Variants in TRMT6 observed in about 807,000 individuals in gnomAD.
TRMT6 encodes the protein tRNA methyltransferase 6 non-catalytic subunit.
In TRMT6, 34 loss-of-function variants were observed where a neutral mutation model predicts 59.0. The ratio of observed to expected loss-of-function variants is 0.58; its 90% CI spans 0.44 to 0.77. The LOEUF (loss-of-function observed/expected upper bound fraction) is 0.77. Among genes scored for constraint, TRMT6 ranks in the 30% least tolerant of loss-of-function variants. The pLI, the probability that TRMT6 is intolerant of heterozygous loss-of-function variation, is 0.00. For missense variants in TRMT6, 575 were observed against 604.5 expected, an observed-to-expected ratio of 0.95 and a Z score of 0.51; for synonymous variants, 217 against 210.5, an observed-to-expected ratio of 1.03 and a Z score of -0.27.
chr20:5,938,443 G>T lies in TRMT6; in HGVS notation c.*92C>A. Reference sequence around the variant, plus strand: ...GTACATAGACATGTTCTTATTCTTGGGATATGAAAAAACAAGTAGTAATGG... The same window carrying T: ...GTACATAGACATGTTCTTATTCTTGTGATATGAAAAAACAAGTAGTAATGG... On this transcript the variant is annotated 3_prime_UTR_variant, in exon 11 of 11. Transcript: ENST00000203001. 3 of 1,276,032 alleles carry T rather than the reference G, an allele frequency of 2.4e-6. No individual in the cohort carries two copies. Among genetic ancestry groups the T allele is most frequent in the Non-Finnish European group, 3.3e-6 (3 of 912,122 alleles). 79.0% of individuals were successfully genotyped at this position (1,276,032 alleles called of 1,614,324 possible). A position where few individuals can be genotyped will look rare whatever the true frequency, so the allele number is the denominator to read the frequency against.
intron 10 of TRMT6, among the ~76,000 whole-genome samples, chr20:5,940,665 C>A (rs551839471): frequency 6.6e-6 from 1 of 152,292 alleles, no homozygotes; most frequent in African/African-American, 2.4e-5. Flanking sequence ...GTCACCCAGG[C>A]TGGAGTGCAG....
At chr20:5,940,687 C>T (rs189650096) in intron 10 of TRMT6, among the ~76,000 whole-genome samples, 34 of 151,910 alleles carry the variant, frequency 2.2e-4, no homozygotes, top group African/African-American at 7.7e-4. Context: ...GGTGGGATCT[C>T]GGCTCACTGC....
intron 1 of TRMT6, 118 bp downstream of exon 1, chr20:5,950,160 G>C: frequency 9.1e-7 from 1 of 1,098,534 alleles, no homozygotes. Context: ...GGCGGGGAAT[G>C]GGGACCGAGA....
Position 5,950,499 on chromosome 20 carries a change from G to T in TRMT6, c.-94C>A, listed in dbSNP as rs750982779. The T allele has an allele frequency of 2.9e-6, 4 of 1,397,336 alleles. No homozygotes were observed. Among genetic ancestry groups the T allele is most frequent in the Admixed American group, 5.1e-5 (2 of 38,960 alleles). The allele number at this position is 1,397,336 out of a possible 1,614,324, so 86.6% of individuals were successfully genotyped here. The stretch of plus-strand genomic sequence containing the variant: ...TCACTTCCCACAACCTGGCGCACTA[G>T]GAGCCCTCCGACCGGCACCGCCCCC... On this transcript the variant is annotated 5_prime_UTR_variant, in exon 1 of 11. Transcript: ENST00000203001.
intron 1 of TRMT6, 44 bp downstream of exon 1, chr20:5,950,234 C>G: frequency 6.6e-7 from 1 of 1,523,678 alleles, no homozygotes; most frequent in Non-Finnish European, 8.9e-7. Context: ...GGGGTATCTA[C>G]AAGGTGGGGG....
chr20:5,945,236 G>T (rs1368105536), intron 2 of TRMT6, among the ~76,000 whole-genome samples: 1 of 152,202 alleles, frequency 6.6e-6, no homozygotes, highest in East Asian at 1.9e-4. Context: ...TGACCTGCAA[G>T]GTCATAAATG....
intron 8 of TRMT6, 55 bp from the exon 9 acceptor site, chr20:5,941,400 G>A (rs2088654862): frequency 1.5e-6 from 2 of 1,307,042 alleles, no homozygotes; most frequent in African/African-American, 3.0e-5. Flanking sequence ...GTGGAGCACA[G>A]GTTTTAAAAT....
chr20:5,940,849 C>T (rs2088649735), intron 10 of TRMT6, among the ~76,000 whole-genome samples: 1 of 152,022 alleles, frequency 6.6e-6, no homozygotes, highest in Admixed American at 6.6e-5. Context: ...TTTGTAGAGA[C>T]AGGGTTTCAC....
intron 2 of TRMT6, 143 bp downstream of exon 2, chr20:5,946,263 C>T: frequency 1.0e-6 from 1 of 988,732 alleles, no homozygotes; most frequent in Non-Finnish European, 1.5e-6. Context: ...ACTTGCTTCA[C>T]TCCACTGAGC....
rs1182307188 is a variant in TRMT6, at chr20:5,950,384, G to C, written c.22C>G (p.Pro8Ala). MEGSGEQPGPQPQHPGDH... is the reference protein window; with the variant it reads MEGSGEQAGPQPQHPGDH... ...CCGGGATGCTGTGGTTGTGGGCCCG[G>C]CTGCTCCCCTGAGCCCTCCATGACG... Residue 8 changes from proline to alanine, a missense_variant, in exon 1 of 11, where the codon CCG becomes GCG. Physicochemically the swap from Pro to Ala is conservative, Grantham distance 27. Transcript: ENST00000203001. 3 of 1,605,492 alleles carry C rather than the reference G, an allele frequency of 1.9e-6. No individual in the cohort carries two copies. In the African/African-American group the frequency reaches 4.0e-5, roughly 21 times the overall value.
Position 5,942,623 on chromosome 20 carries a change from T to C in TRMT6, c.831A>G (p.Ser277=). ...CAACCAAAGCACTGTCTTTTGGCTCTGAAGATAACATCTTGGCAGAAAATG... is the reference window on the plus strand; with the variant it reads ...CAACCAAAGCACTGTCTTTTGGCTCCGAAGATAACATCTTGGCAGAAAATG... ...HGTFSAKMLS[S]EPKDSALVEE... is the part of the protein sequence containing the mutation. The change falls in exon 7 of 11, where the codon TCA becomes TCG. Residue 277 remains serine, a synonymous_variant. Coordinates refer to ENST00000203001, the MANE Select transcript of TRMT6 (RefSeq NM_015939.5). The C allele has an allele frequency of 6.2e-7, 1 of 1,614,230 alleles. No individual in the cohort carries two copies. Among genetic ancestry groups the C allele is most frequent in the Non-Finnish European group, 8.5e-7 (1 of 1,180,034 alleles).
In TRMT6 at chr20:5,950,398, C is replaced by T. The variant is rs756334710; in HGVS notation, c.8G>A (p.Gly3Asp). ...TTGTGGGCCCGGCTGCTCCCCTGAG[C>T]CCTCCATGACGCTCAGCCGGTCGCC... ME[G>D]SGEQPGPQPQ... The change falls in exon 1 of 11, where the codon GGC (glycine) becomes GAC (aspartate). Residue 3 changes from glycine to aspartate, a missense_variant. Coordinates refer to ENST00000203001, the MANE Select transcript of TRMT6 (RefSeq NM_015939.5). 6.3e-7 allele frequency: 1 copy of T among 1,597,568 alleles called. No homozygotes were observed. Among genetic ancestry groups the T allele is most frequent in the South Asian group, 1.1e-5 (1 of 90,556 alleles).
At chr20:5,938,846 T>C (rs974105035) in intron 10 of TRMT6, 120 bp from the exon 11 acceptor site, 2 of 836,340 alleles carry the variant, frequency 2.4e-6, no homozygotes, top group Non-Finnish European at 3.5e-6. Flanking sequence ...TAAATGGACA[T>C]TTTTTTTTCT....
In TRMT6 at chr20:5,944,802, T is replaced by C. The variant is rs756989548; in HGVS notation, c.366+3A>G. ...ACAAAACTAAAAATCCTTTGAATAT[T>C]ACCTCTCCTTTAATGCCCTTGTCCT... On this transcript the variant is annotated splice_donor_region_variant and intron_variant, in intron 3 of 10. Transcript: ENST00000203001. 1.2e-6 allele frequency: 2 copies of C among 1,606,054 alleles called. No individual in the cohort carries two copies. The highest frequency in any genetic ancestry group is 1.7e-6 in the Non-Finnish European group (2 of 1,173,930).
At position 5,944,264 on chromosome 20, in the gene TRMT6, A is replaced by G; in HGVS notation, c.367-11T>C. 6.8e-7 allele frequency: 1 copy of G among 1,463,894 alleles called. No individual in the cohort carries two copies. Among genetic ancestry groups the G allele is most frequent in the Non-Finnish European group, 9.3e-7 (1 of 1,079,162 alleles). The allele number at this position is 1,463,894 out of a possible 1,614,324, so 90.7% of individuals were successfully genotyped here. On this transcript the variant is annotated splice_polypyrimidine_tract_variant and intron_variant, in intron 3 of 10. Coordinates refer to ENST00000203001, the MANE Select transcript of TRMT6 (RefSeq NM_015939.5). ...CTGCTGAACTATTTCCTATAAGAAA[A>G]GGAGCAAGTAGATTTTCTGAAACTT...
chr20:5,948,119 C>T (rs931536269), intron 1 of TRMT6, among the ~76,000 whole-genome samples: 1 of 152,140 alleles, frequency 6.6e-6, no homozygotes, highest in African/African-American at 2.4e-5. Flanking sequence ...GATCCCGTCT[C>T]ACAAAACAAA....
chr20:5,941,627 A>G, intron 8 of TRMT6: 4 of 548,408 alleles, frequency 7.3e-6, no homozygotes, highest in East Asian at 6.0e-5. Flanking sequence ...CAAATCCAAC[A>G]CTGCATAAGC....
At chr20:5,941,200 C>A in intron 9 of TRMT6, 43 bp downstream of exon 9, 2 of 1,606,972 alleles carry the variant, frequency 1.2e-6, no homozygotes, top group Non-Finnish European at 1.7e-6. Context: ...TAAGAATCAA[C>A]ATTCAGACAT....
Position 5,946,436 on chromosome 20 carries a change from G to C in TRMT6, c.226C>G (p.Pro76Ala). 6.2e-7 allele frequency: 1 copy of C among 1,614,122 alleles called. No individual in the cohort carries two copies. Among genetic ancestry groups the C allele is most frequent in the Non-Finnish European group, 8.5e-7 (1 of 1,180,016 alleles). The part of the protein sequence containing the change: ...FEVTSGGSLQ[P>A]KKKREEPTAE... ...GTAGGCTCTTCCCTCTTCTTCTTGGGCTGTAGACTTCCTCCACTGGTCACT... is the reference window on the plus strand; with the variant it reads ...GTAGGCTCTTCCCTCTTCTTCTTGGCCTGTAGACTTCCTCCACTGGTCACT... The change falls in exon 2 of 11, where the codon CCC (proline) becomes GCC (alanine). Residue 76 changes from proline to alanine, a missense_variant. By Grantham distance (27) the Pro-to-Ala change is conservative (BLOSUM62 -1). Transcript: ENST00000203001.
Sources: gnomAD v4.1 joint callset for allele counts (sites outside exome capture counted in the v4.1 genomes callset) on GRCh38, gnomAD v4.1.1 for gene constraint, MANE v1.5 for transcripts, NCBI Gene and HGNC (gene_info 2026-07-23, HGNC 2026-07-21) for gene names.